The following P3H2 variants were observed in gnomAD, a reference collection of about 807,000 sequenced individuals.
The protein encoded by P3H2 is prolyl 3-hydroxylase 2, also known as leprecan-like 1.
Under a neutral mutation model 87.0 loss-of-function variants are expected in P3H2, and 80 were observed. The observed-to-expected ratio is 0.92, with a 90% CI of 0.77 to 1.11. The LOEUF is 1.11. Among genes scored for constraint, P3H2 ranks in the 50% least tolerant of loss-of-function variants. P3H2 has a pLI of 0.00. For synonymous variants in P3H2, 367 were observed against 359.3 expected (o/e 1.02, Z -0.24); for missense variants, 1,001 against 923.9 (o/e 1.08, Z -1.08).
At position 189,974,626 on chromosome 3, in the gene P3H2, T is replaced by C; in HGVS notation, c.1384A>G (p.Thr462Ala). 2 of 1,614,072 alleles carry C rather than the reference T, an allele frequency of 1.2e-6. No homozygotes were observed. Among genetic ancestry groups the C allele is most frequent in the Non-Finnish European group, 1.7e-6 (2 of 1,180,018 alleles). Residue 462 changes from threonine to alanine, a missense_variant, in exon 9 of 15, where the codon ACT becomes GCT. Thr to Ala is a moderately conservative substitution (Grantham distance 58). Transcript: ENST00000319332. ...FVYNSEQLNG[T>A]QRVLLDNVLS... ...ACGTTATCCAGGAGAACCCGCTGAG[T>C]CCCGTTCAGCTGCTCCGAGTTGTAG...
intron 14 of P3H2, chr3:189,963,697 GC>G: frequency 2.2e-6 from 1 of 447,020 alleles, no homozygotes; most frequent in Non-Finnish European, 4.1e-6. Flanking sequence ...GCCCACCTCG[GC>G]CTCCCAAAGT....
intron 1 of P3H2, among the ~76,000 whole-genome samples, chr3:190,049,176 C>T (rs1725896642): frequency 1.3e-5 from 2 of 151,992 alleles, no homozygotes; most frequent in South Asian, 2.1e-4. Context: ...AACTGAATCT[C>T]GAAGGTGTGA....
At chr3:190,104,237 CA>C (rs2108518044) in intron 1 of P3H2, among the ~76,000 whole-genome samples, 2 of 152,190 alleles carry the variant, frequency 1.3e-5, no homozygotes, top group African/African-American at 4.8e-5. Context: ...TTAGGCATAG[CA>C]GAACAGAAAT....
chr3:190,045,694 A>G (rs1249945959), intron 1 of P3H2, among the ~76,000 whole-genome samples: 5 of 152,124 alleles, frequency 3.3e-5, no homozygotes, highest in Admixed American at 3.3e-4. Flanking sequence ...ATTTTAGATA[A>G]TCCTGGTGGG....
intron 8 of P3H2, among the ~76,000 whole-genome samples, chr3:189,982,559 C>T (rs1723569208): frequency 6.6e-6 from 1 of 152,140 alleles, no homozygotes; most frequent in Non-Finnish European, 1.5e-5. Flanking sequence ...CCCTCTACAT[C>T]CATGCATCCT....
chr3:190,096,009 CTT>C (rs1727574701), intron 1 of P3H2, among the ~76,000 whole-genome samples: 2 of 152,154 alleles, frequency 1.3e-5, no homozygotes, highest in Admixed American at 1.3e-4. Context: ...TAAACCATCT[CTT>C]TTGATGCCCT....
In P3H2 at chr3:189,983,078, A is replaced by G; in HGVS notation, c.1292T>C (p.Leu431Pro). ...EVHGFSMGKK[L>P]SPKIDRDLRE... ...TAGGTCTCGATCTATCTTGGGTGAT[A>G]GCTTTTTTCCCATTGAGAATCCATG... is the stretch of plus-strand genomic sequence containing the variant. The change falls in exon 8 of 15, where the codon CTA becomes CCA. Residue 431 changes from leucine to proline, a missense_variant. By Grantham distance (98) the Leu-to-Pro change is moderately conservative. Coordinates refer to ENST00000319332, the MANE Select transcript of P3H2 (RefSeq NM_018192.4). The G allele has an allele frequency of 6.2e-7, 1 of 1,613,962 alleles. No individual in the cohort carries two copies. Among genetic ancestry groups the G allele is most frequent in the Non-Finnish European group, 8.5e-7 (1 of 1,179,856 alleles).
intron 3 of P3H2, among the ~76,000 whole-genome samples, chr3:189,990,520 A>C (rs554794199): frequency 6.6e-6 from 1 of 152,280 alleles, no homozygotes; most frequent in African/African-American, 2.4e-5. Context: ...AAGCGGATAC[A>C]AATAGCAGCA....
At chr3:190,114,678 A>T (rs1712220033) in intron 1 of P3H2, among the ~76,000 whole-genome samples, 1 of 152,166 alleles carries the variant, frequency 6.6e-6, no homozygotes. Context: ...CTAAGGAGTG[A>T]GACATAAAGA....
chr3:190,056,689 G>T (rs1726171926), intron 1 of P3H2, among the ~76,000 whole-genome samples: 1 of 152,182 alleles, frequency 6.6e-6, no homozygotes, highest in Non-Finnish European at 1.5e-5. Context: ...TGTGAGGCTG[G>T]ATAGCTCAGT....
At chr3:190,052,084 A>C (rs1022042936) in intron 1 of P3H2, among the ~76,000 whole-genome samples, 1 of 152,220 alleles carries the variant, frequency 6.6e-6, no homozygotes, top group Non-Finnish European at 1.5e-5. Context: ...TTTTTAAAAT[A>C]AATTTTACTT....
intron 13 of P3H2, among the ~76,000 whole-genome samples, chr3:189,965,446 A>G (rs1019051754): frequency 6.6e-6 from 1 of 152,142 alleles, no homozygotes; most frequent in African/African-American, 2.4e-5. Flanking sequence ...GGAAGAGCAG[A>G]AAAAAAGCAG....
chr3:190,083,819 G>C (rs761817912), intron 1 of P3H2, among the ~76,000 whole-genome samples: 121 of 152,254 alleles, frequency 7.9e-4, no homozygotes, highest in Admixed American at 1.6e-3. Flanking sequence ...ACCCTCCCTG[G>C]TGGCTCCCAT....
At chr3:190,032,772 C>T (rs886660420) in intron 1 of P3H2, among the ~76,000 whole-genome samples, 29 of 151,996 alleles carry the variant, frequency 1.9e-4, no homozygotes, top group African/African-American at 6.8e-4. Context: ...TTTAACTCAG[C>T]GGTCTCCAGC....
At chr3:190,063,006 T>C (rs776821704) in intron 1 of P3H2, among the ~76,000 whole-genome samples, 5 of 152,178 alleles carry the variant, frequency 3.3e-5, no homozygotes, top group Admixed American at 6.6e-5. Context: ...GCTTTCATCA[T>C]TAAGACTTTT....
intron 1 of P3H2, among the ~76,000 whole-genome samples, chr3:190,079,415 T>C (rs769674463): frequency 2.0e-5 from 3 of 152,132 alleles, no homozygotes; most frequent in Non-Finnish European, 2.9e-5. Context: ...GGGGACATAA[T>C]AGTACCTACC....
At chr3:190,087,098 T>C (rs561176029) in intron 1 of P3H2, among the ~76,000 whole-genome samples, 29 of 152,328 alleles carry the variant, frequency 1.9e-4, no homozygotes, top group Admixed American at 2.6e-4. Flanking sequence ...CTCCCTAGAC[T>C]AAATTAAATT....
Position 189,988,968 on chromosome 3 carries a change from G to A in P3H2, c.894C>T (p.Leu298=), listed in dbSNP as rs1349782149. The stretch of plus-strand genomic sequence containing the variant: ...GAGGAAGAAAATTCTCGATGGGAGA[G>A]AGGCGGCCAGGGCGGGTGGCAAGTT... The part of the protein sequence containing the change: ...VRELATRPGR[L]SPIENFLPLH... Residue 298 remains leucine, a synonymous_variant, in exon 4 of 15, where the codon CTC becomes CTT. Transcript: ENST00000319332. 6.2e-7 allele frequency: 1 copy of A among 1,614,112 alleles called. No homozygotes were observed. Among genetic ancestry groups the A allele is most frequent in the Non-Finnish European group, 8.5e-7 (1 of 1,180,016 alleles).
At chr3:190,035,588 A>G (rs182525207) in intron 1 of P3H2, among the ~76,000 whole-genome samples, 88 of 152,228 alleles carry the variant, frequency 5.8e-4, no homozygotes, top group African/African-American at 2.1e-3. Flanking sequence ...GTATATAGCA[A>G]TTTTCTGTCA....
Sources: allele counts gnomAD v4.1 joint callset (sites outside exome capture counted in the v4.1 genomes callset), GRCh38; gene constraint gnomAD v4.1.1; transcripts MANE v1.5; gene names NCBI Gene and HGNC (gene_info 2026-07-23, HGNC 2026-07-21).